Variants in STRIP2 observed in about 807,000 individuals in gnomAD.
STRIP2 encodes the protein striatin interacting protein 2, also known as striatin-interacting protein 2.
Under a neutral mutation model 107.1 loss-of-function variants are expected in STRIP2, and 84 were observed. The observed-to-expected ratio is 0.78, with a 90% CI of 0.66 to 0.94. The LOEUF (loss-of-function observed/expected upper bound fraction) is 0.94. STRIP2 is among the 40% of genes least tolerant of loss of function. The pLI, the probability that STRIP2 is intolerant of heterozygous loss-of-function variation, is 0.00. For synonymous variants in STRIP2, 394 were observed against 400.4 expected, an observed-to-expected ratio of 0.98 and a Z score of 0.19; for missense variants, 888 against 1,034.2, an observed-to-expected ratio of 0.86 and a Z score of 1.94.
chr7:129,478,924 A>G (rs1019501021), intron 18 of STRIP2, among the ~76,000 whole-genome samples: 1 of 152,186 alleles, frequency 6.6e-6, no homozygotes, highest in African/African-American at 2.4e-5. Flanking sequence ...AAGGAAGCTC[A>G]CAGTAGAAAT....
At chr7:129,465,840 G>A (rs1798658183) in intron 16 of STRIP2, among the ~76,000 whole-genome samples, 1 of 152,182 alleles carries the variant, frequency 6.6e-6, no homozygotes, top group Non-Finnish European at 1.5e-5. Flanking sequence ...TTTTTGCCCA[G>A]AGGCTCTACC....
At chr7:129,437,253 G>A (rs917651945) in intron 1 of STRIP2, among the ~76,000 whole-genome samples, 1 of 152,040 alleles carries the variant, frequency 6.6e-6, no homozygotes, top group African/African-American at 2.4e-5. Flanking sequence ...CCTGGGAAAT[G>A]TAGGCAGACC....
Position 129,440,077 on chromosome 7 carries a change from C to G in STRIP2, c.185C>G (p.Ala62Gly). ...GAGTATGGAGATGCAGATGGGCATGCAGCCGAGTTGTCAGGTATGAGGTAG... is the reference window on the plus strand; with the variant it reads ...GAGTATGGAGATGCAGATGGGCATGGAGCCGAGTTGTCAGGTATGAGGTAG... Reference protein sequence around the residue: ...EFEYGDADGHAAELSELYSYT... With the variant: ...EFEYGDADGHGAELSELYSYT... The change falls in exon 2 of 21, where the codon GCA becomes GGA. Residue 62 changes from alanine to glycine, a missense_variant. By Grantham distance (60) the Ala-to-Gly change is moderately conservative. Coordinates refer to ENST00000249344, the MANE Select transcript of STRIP2 (RefSeq NM_020704.3). The G allele has an allele frequency of 6.2e-7, 1 of 1,614,038 alleles. No homozygotes were observed. Among genetic ancestry groups the G allele is most frequent in the Non-Finnish European group, 8.5e-7 (1 of 1,179,920 alleles).
chr7:129,434,553 G>C lies in STRIP2; in HGVS notation c.81G>C (p.Ala27=). 2.6e-6 allele frequency: 4 copies of C among 1,517,838 alleles called. No homozygotes were observed. The highest frequency in any genetic ancestry group is 3.5e-6 in the Non-Finnish European group (4 of 1,139,906). The allele number at this position is 1,517,838 out of a possible 1,614,324, so 94.0% of individuals were successfully genotyped here. A position where few individuals can be genotyped will look rare whatever the true frequency, so the allele number is the denominator to read the frequency against. The change falls in exon 1 of 21, where the codon GCG becomes GCC. Residue 27 remains alanine (A), a synonymous_variant. Coordinates refer to ENST00000249344, the MANE Select transcript of STRIP2 (RefSeq NM_020704.3). ...NGNGGGKGKQ[A]APKGREAFRS... is the part of the protein sequence containing the mutation. ...ACGGCGGCGGCAAAGGGAAGCAGGC[G>C]GCGCCCAAGGGCCGCGAAGCGTTCC...
Position 129,486,088 on chromosome 7 carries a change from T to C in STRIP2, c.*259T>C, listed in dbSNP as rs1772923976. On this transcript the variant is annotated 3_prime_UTR_variant, in exon 21 of 21. Coordinates refer to ENST00000249344, the MANE Select transcript of STRIP2 (RefSeq NM_020704.3). ...GCTCTTTGGTAGGACCTTTTCCTGC[T>C]TTAGTCTTGGCTACAACCAGGCTAG... 1 of 414,546 alleles carries C rather than the reference T, an allele frequency of 2.4e-6. No homozygotes were observed. Among genetic ancestry groups the C allele is most frequent in the Non-Finnish European group, 4.4e-6 (1 of 226,460 alleles). The allele number at this position is 414,546 out of a possible 1,614,324, so 25.7% of individuals were successfully genotyped here.
rs751596381 is a variant in STRIP2, at chr7:129,464,034, T to C, written c.1552-10T>C. ...GACAGTGGTAAATTTCTTTATTTTC[T>C]ACTTCTCAGATCGCTCTGCTTAAGA... is the stretch of plus-strand genomic sequence containing the variant. On this transcript the variant is annotated splice_polypyrimidine_tract_variant and intron_variant, in intron 14 of 20. Transcript: ENST00000249344. 4 of 1,610,546 alleles carry C rather than the reference T, an allele frequency of 2.5e-6. No individual in the cohort carries two copies. The South Asian group carries it at 4.4e-5, about 18-fold the overall frequency.
intron 18 of STRIP2, among the ~76,000 whole-genome samples, chr7:129,478,373 G>C (rs1799027118): frequency 6.6e-6 from 1 of 152,110 alleles, no homozygotes; most frequent in Non-Finnish European, 1.5e-5. Flanking sequence ...AGCTGGGTGT[G>C]GTGGCGGGCA....
intron 3 of STRIP2, among the ~76,000 whole-genome samples, chr7:129,445,066 T>A (rs1484791272): frequency 6.6e-6 from 1 of 152,154 alleles, no homozygotes; most frequent in Non-Finnish European, 1.5e-5. Context: ...AGGTCGTGGT[T>A]TTTTTCCTGG....
In STRIP2 at chr7:129,485,841, T is replaced by G; in HGVS notation, c.*12T>G. On this transcript the variant is annotated 3_prime_UTR_variant, in exon 21 of 21. Coordinates refer to ENST00000249344, the MANE Select transcript of STRIP2 (RefSeq NM_020704.3). ...TCCAGAATCACTGACTAAGTTCTTG[T>G]CAACAAGCATCAATAGATAGAGGTC... The G allele has an allele frequency of 6.2e-7, 1 of 1,613,312 alleles. No homozygotes were observed. Among genetic ancestry groups the G allele is most frequent in the Non-Finnish European group, 8.5e-7 (1 of 1,179,918 alleles).
intron 1 of STRIP2, among the ~76,000 whole-genome samples, chr7:129,435,543 T>G (rs766645805): frequency 5.3e-5 from 8 of 152,152 alleles, no homozygotes; most frequent in Non-Finnish European, 1.2e-4. Flanking sequence ...TTTGGAGTAG[T>G]CAGACCAGGT....
chr7:129,476,436 C>T (rs1184737965), intron 18 of STRIP2, among the ~76,000 whole-genome samples: 2 of 145,022 alleles, frequency 1.4e-5, no homozygotes, highest in African/African-American at 5.1e-5. Context: ...GGCTGCCGGG[C>T]GGAGGGGCTC....
At chr7:129,441,271 T>C (rs1363774286) in intron 2 of STRIP2, among the ~76,000 whole-genome samples, 1 of 152,064 alleles carries the variant, frequency 6.6e-6, no homozygotes, top group East Asian at 1.9e-4. Flanking sequence ...CTGCTAGACA[T>C]GGGGGGAGCA....
intron 3 of STRIP2, among the ~76,000 whole-genome samples, chr7:129,445,528 C>G (rs1798012005): frequency 6.6e-6 from 1 of 151,636 alleles, no homozygotes; most frequent in African/African-American, 2.4e-5. Context: ...ACTTCCACCC[C>G]TTGATTCCTG....
intron 8 of STRIP2, 47 bp from the exon 9 acceptor site, chr7:129,456,392 C>G: frequency 3.2e-6 from 5 of 1,561,864 alleles, no homozygotes; most frequent in Non-Finnish European, 3.5e-6. Context: ...CTCTCTCTTA[C>G]TTCCCTTCCT....
At chr7:129,434,675 GCCTCGGCCCCGGAGC>G in intron 1 of STRIP2, 74 bp downstream of exon 1, 1 of 1,393,306 alleles carries the variant, frequency 7.2e-7, no homozygotes, top group South Asian at 1.6e-5. Context: ...AGGTGATTCG[GCCTCGGCCCCGGAGC>G]CCTCGGCGCG....
intron 18 of STRIP2, among the ~76,000 whole-genome samples, chr7:129,474,713 T>A (rs1023831243): frequency 2.6e-5 from 4 of 152,140 alleles, no homozygotes; most frequent in African/African-American, 7.2e-5. Flanking sequence ...AGTTTCACCA[T>A]GTTGGCCAGG....
chr7:129,454,774 G>A (rs1236846566), intron 7 of STRIP2, among the ~76,000 whole-genome samples: 1 of 152,148 alleles, frequency 6.6e-6, no homozygotes, highest in Non-Finnish European at 1.5e-5. Flanking sequence ...GTTATAAGTG[G>A]GGATAGCCAT....
At chr7:129,475,954 G>C (rs1360567856) in intron 18 of STRIP2, among the ~76,000 whole-genome samples, 1 of 152,128 alleles carries the variant, frequency 6.6e-6, no homozygotes, top group Admixed American at 6.5e-5. Flanking sequence ...AGTCTCCCAT[G>C]CCCGCCTCTT....
intron 3 of STRIP2, among the ~76,000 whole-genome samples, chr7:129,447,038 A>C (rs692509): frequency 0.62 from 93,866 of 152,044 alleles, 29,540 homozygotes; most frequent in East Asian, 0.95. Context: ...AAAGGCCTCC[A>C]CTGTGATTCA....
Sources: allele counts gnomAD v4.1 joint callset (sites outside exome capture counted in the v4.1 genomes callset), GRCh38; gene constraint gnomAD v4.1.1; transcripts MANE v1.5; gene names NCBI Gene and HGNC (gene_info 2026-07-23, HGNC 2026-07-21).